KCNJ18: variants seen among roughly 807,000 people sequenced by gnomAD.
KCNJ18 encodes inward rectifier potassium channel 18.
In KCNJ18, 16 loss-of-function variants were observed where a neutral mutation model predicts 17.3. That is an observed-to-expected ratio of 0.92 (90% CI 0.62 to 1.40). The LOEUF is 1.40. Ranked by LOEUF, KCNJ18 falls within the 40% of genes most tolerant of loss-of-function variation. The probability of loss-of-function intolerance (pLI) is 0.00; values close to 1 mark genes in which losing one functional copy is unlikely to be tolerated. For synonymous variants in KCNJ18, 185 were observed against 262.6 expected, an observed-to-expected ratio of 0.70 and a Z score of 2.86; for missense variants, 462 against 626.8, an observed-to-expected ratio of 0.74 and a Z score of 2.81.
rs1463386905 is a variant in KCNJ18, at chr17:21,698,559, T to C, written c.-57+2455T>C. Among the ~76,000 whole-genome samples the C allele has an allele frequency of 7.0e-4, 107 of 152,180 alleles. 1 individual carries two copies. The highest frequency in any genetic ancestry group is 1.2e-3 in the Non-Finnish European group (83 of 68,006). ...ACTCTCCCTTCCAGTCAGTGCTTTC[T>C]TGGTGTCTGGGAATGTGGGTCCAGG... is the stretch of plus-strand genomic sequence containing the variant. On this transcript the variant is annotated intron_variant, in intron 2 of 2. Transcript: ENST00000567955.
intron 1 of KCNJ18, among the ~76,000 whole-genome samples, chr17:21,693,982 C>T (rs1298880795): frequency 2.0e-5 from 3 of 152,106 alleles, no homozygotes; most frequent in African/African-American, 7.2e-5. Flanking sequence ...GACTGAAGGG[C>T]CACTAGAGAC....
Position 21,701,316 on chromosome 17 carries a change from C to T in KCNJ18, c.-56-1415C>T, listed in dbSNP as rs1597757169. Among the ~76,000 whole-genome samples, 3 of 152,298 alleles carry T rather than the reference C, an allele frequency of 2.0e-5. No homozygotes were observed. In the East Asian group the frequency reaches 5.8e-4, roughly 29 times the overall value. ...CTGGCCTGGAGCCAGGTGCTGCCTG[C>T]AGTGAGCTGAGGGTGGTGCTGGGAA... is the stretch of plus-strand genomic sequence containing the variant. On this transcript the variant is annotated intron_variant, in intron 2 of 2. Transcript: ENST00000567955.
Position 21,702,775 on chromosome 17 carries a change from C to T in KCNJ18, c.-12C>T. 1 of 1,574,084 alleles carries T rather than the reference C, an allele frequency of 6.4e-7. No individual in the cohort carries two copies. The highest frequency in any genetic ancestry group is 1.1e-5 in the South Asian group (1 of 87,248). On this transcript the variant is annotated 5_prime_UTR_variant, in exon 3 of 3. Transcript: ENST00000567955. ...TAGCCTGGGGGTGAGCCAGGGTCCC[C>T]CAACCCCCGGGATGACCGCGGCCAG... is the stretch of plus-strand genomic sequence containing the variant.
rs1399176984 is a variant in KCNJ18 at position 21,702,832 on chromosome 17, G to C, written c.46G>C (p.Glu16Gln). Reference sequence around the variant, plus strand: ...CAACCCCTACAGCATCGTGTCATTGGAGGAGGACGGGCTGCACCTGGTCAC... The same window carrying C: ...CAACCCCTACAGCATCGTGTCATTGCAGGAGGACGGGCTGCACCTGGTCAC... ...RANPYSIVSL[E>Q]EDGLHLVTMS... The change falls in exon 3 of 3, where the codon GAG becomes CAG. Residue 16 changes from glutamate to glutamine, a missense_variant. Transcript: ENST00000567955. 20 of 1,598,258 alleles carry C rather than the reference G, an allele frequency of 1.3e-5. No individual in the cohort carries two copies. The African/African-American group carries it at 2.4e-4, about 19-fold the overall frequency.
intron 2 of KCNJ18, among the ~76,000 whole-genome samples, chr17:21,697,892 T>C (rs1905815051): frequency 6.6e-6 from 1 of 152,312 alleles, no homozygotes; most frequent in Non-Finnish European, 1.5e-5. Flanking sequence ...GGCTGAGGAA[T>C]GGTGCTTGCC....
intron 2 of KCNJ18, among the ~76,000 whole-genome samples, chr17:21,701,482 C>T (rs1905948013): frequency 6.6e-6 from 1 of 152,326 alleles, no homozygotes; most frequent in South Asian, 2.1e-4. Flanking sequence ...CCAGATCTTA[C>T]CCTCTTTGGC....
At chr17:21,695,540 G>A (rs1181638192) in intron 1 of KCNJ18, among the ~76,000 whole-genome samples, 39 of 152,284 alleles carry the variant, frequency 2.6e-4, no homozygotes, top group African/African-American at 7.7e-4. Flanking sequence ...CAAGGTTGGC[G>A]TTGGGAAGGC....
intron 2 of KCNJ18, among the ~76,000 whole-genome samples, chr17:21,701,660 C>T (rs1303679061): frequency 2.6e-5 from 4 of 152,348 alleles, no homozygotes; most frequent in East Asian, 1.9e-4. Context: ...CCTGTAATCC[C>T]AGCACTTCAG....
At chr17:21,699,900 C>G (rs1386927819) in intron 2 of KCNJ18, among the ~76,000 whole-genome samples, 1 of 152,254 alleles carries the variant, frequency 6.6e-6, no homozygotes, top group African/African-American at 2.4e-5. Context: ...TCCTTGCAGG[C>G]TTTGAGCTGC....
At chr17:21,695,125 G>A (rs1368942172) in intron 1 of KCNJ18, among the ~76,000 whole-genome samples, 1 of 151,234 alleles carries the variant, frequency 6.6e-6, no homozygotes, top group African/African-American at 2.4e-5. Flanking sequence ...CTACCCTTCT[G>A]TTCATCCATC....
intron 1 of KCNJ18, among the ~76,000 whole-genome samples, chr17:21,694,800 C>T (rs1905706328): frequency 6.6e-6 from 1 of 152,220 alleles, no homozygotes; most frequent in Admixed American, 6.5e-5. Flanking sequence ...CATCCATCAC[C>T]CAACATTCCA....
intron 2 of KCNJ18, among the ~76,000 whole-genome samples, chr17:21,699,302 C>T (rs1161616738): frequency 3.3e-5 from 5 of 152,098 alleles, no homozygotes; most frequent in African/African-American, 9.7e-5. Flanking sequence ...CCTTGAAGGC[C>T]GCATGTTTGT....
intron 2 of KCNJ18, among the ~76,000 whole-genome samples, chr17:21,699,346 G>T (rs1905863242): frequency 6.6e-6 from 1 of 152,176 alleles, no homozygotes; most frequent in East Asian, 1.9e-4. Context: ...TTACGCAGGA[G>T]TGTTCTTGGG....
intron 1 of KCNJ18, among the ~76,000 whole-genome samples, chr17:21,695,651 T>C (rs1905737774): frequency 6.6e-6 from 1 of 152,296 alleles, no homozygotes; most frequent in African/African-American, 2.4e-5. Flanking sequence ...GTAACAACAA[T>C]AGTTCCAACC....
chr17:21,703,041 C>T lies in KCNJ18; in HGVS notation c.255C>T (p.Leu85=), dbSNP rs1285243713. The stretch of plus-strand genomic sequence containing the variant: ...ACATCCGCTGGCGCTACATGCTGCT[C>T]ATCTTCTCGCTGGCCTTCCTTGCCT... ...CVDIRWRYML[L]IFSLAFLASW... Residue 85 remains leucine (L), a synonymous_variant, in exon 3 of 3, where the codon CTC becomes CTT. Transcript: ENST00000567955. The T allele has an allele frequency of 4.3e-6, 7 of 1,613,186 alleles. No homozygotes were observed. Among genetic ancestry groups the T allele is most frequent in the African/African-American group, 2.7e-5 (2 of 74,958 alleles).
In KCNJ18 at chr17:21,703,291, G is replaced by C. The variant is rs1311839715; in HGVS notation, c.505G>C (p.Gly169Arg). 4 of 1,608,640 alleles carry C rather than the reference G, an allele frequency of 2.5e-6. No homozygotes were observed. The East Asian group carries it at 8.9e-5, about 36-fold the overall frequency. The part of the protein sequence containing the change: ...VFMVVAQSIV[G>R]CIIDSFMIGA... ...CATGGTGGTGGCCCAGTCCATCGTG[G>C]GCTGCATCATCGACTCCTTCATGAT... is the stretch of plus-strand genomic sequence containing the variant. Residue 169 changes from glycine (G) to arginine (R), a missense_variant, in exon 3 of 3, where the codon GGC becomes CGC. This residue lies in a region of KCNJ18 where 237 missense variants were observed against 259.4 expected (regional missense o/e 0.91). Transcript: ENST00000567955.
At position 21,702,674 on chromosome 17, in the gene KCNJ18, G is replaced by A. The variant is rs1436185988; in HGVS notation, c.-56-57G>A. ...GTCACGTCTGGGGGCCCTGGGATGGGGGTAGAGGAGCCTGGAGCCACCAGC... is the reference window on the plus strand; with the variant it reads ...GTCACGTCTGGGGGCCCTGGGATGGAGGTAGAGGAGCCTGGAGCCACCAGC... On this transcript the variant is annotated intron_variant, in intron 2 of 2. Transcript: ENST00000567955. The A allele has an allele frequency of 2.4e-5, 28 of 1,172,208 alleles. No individual in the cohort carries two copies. In the African/African-American group the frequency reaches 2.7e-4, roughly 11 times the overall value. 72.6% of individuals were successfully genotyped at this position (1,172,208 alleles called of 1,614,324 possible). A position where few individuals can be genotyped will look rare whatever the true frequency, so the allele number is the denominator to read the frequency against.
Position 21,702,942 on chromosome 17 carries a change from G to C in KCNJ18, c.156G>C (p.Gln52His). The C allele has an allele frequency of 6.3e-7, 1 of 1,583,230 alleles. No individual in the cohort carries two copies. The highest frequency in any genetic ancestry group is 8.6e-7 in the Non-Finnish European group (1 of 1,165,356). Residue 52 changes from glutamine (Q) to histidine (H), a missense_variant, in exon 3 of 3, where the codon CAG becomes CAC. By Grantham distance (24) the Gln-to-His change is conservative (BLOSUM62 0). This residue lies in a region of KCNJ18 where 237 missense variants were observed against 259.4 expected (regional missense o/e 0.91). Coordinates refer to ENST00000567955, the MANE Select transcript of KCNJ18 (RefSeq NM_001194958.2). ...CRNRFVKKNG[Q>H]CNIAFANMDE... ...ACCGCTTCGTCAAGAAGAATGGCCA[G>C]TGCAACATTGCGTTCGCCAACATGG...
intron 1 of KCNJ18, among the ~76,000 whole-genome samples, chr17:21,694,974 CCCATCCATCCATCCCATTCGTCTAT>C (rs1157086747): frequency 1.2e-3 from 187 of 151,924 alleles, no homozygotes; most frequent in African/African-American, 4.4e-3. Context: ...CAATCATCTG[CCCATCCATCCATCCCATTCGTCTAT>C]CCATCCATCC....
Sources: allele counts gnomAD v4.1 joint callset (sites outside exome capture counted in the v4.1 genomes callset), GRCh38; gene constraint gnomAD v4.1.1; regional missense constraint gnomAD v4.1.1; transcripts MANE v1.5; gene names NCBI Gene and HGNC (gene_info 2026-07-23, HGNC 2026-07-21).